Variants in ANTXR1 observed in about 807,000 individuals in gnomAD.
The protein encoded by ANTXR1 is ANTXR cell adhesion molecule 1.
In ANTXR1, 19 loss-of-function variants were observed where a neutral mutation model predicts 78.1. The observed-to-expected ratio is 0.24, with a 90% CI of 0.17 to 0.36. The LOEUF is 0.36. ANTXR1 is among the 10% of genes least tolerant of loss of function. The pLI is 1.00. For synonymous variants in ANTXR1, 273 were observed against 260.5 expected (o/e 1.05, Z -0.46); for missense variants, 518 against 718.6 (o/e 0.72, Z 3.19).
chr2:69,121,169 T>C (rs140505131), intron 10 of ANTXR1, among the ~76,000 whole-genome samples: 214 of 152,344 alleles, frequency 1.4e-3, no homozygotes, highest in African/African-American at 4.8e-3. Flanking sequence ...ACATAACAAT[T>C]TGTGTAATTA....
chr2:69,070,787 G>C (rs1445733130), intron 4 of ANTXR1, 59 bp downstream of exon 4: 12 of 1,508,346 alleles, frequency 8.0e-6, no homozygotes, highest in Admixed American at 1.7e-5. Context: ...TATCAACATG[G>C]GGTGACTGAT....
At chr2:69,160,761 A>C (rs761847833) in intron 13 of ANTXR1, among the ~76,000 whole-genome samples, 27 of 152,206 alleles carry the variant, frequency 1.8e-4, no homozygotes, top group Non-Finnish European at 2.8e-4. Context: ...GATAATTTGC[A>C]TGTGACTCTT....
chr2:69,164,243 C>A (rs1288822492), intron 13 of ANTXR1, among the ~76,000 whole-genome samples: 1 of 152,216 alleles, frequency 6.6e-6, no homozygotes. Flanking sequence ...CAACCCGTGA[C>A]TCTGATTAGA....
In ANTXR1 at chr2:69,013,297, CGAAACCCA is replaced by C; in HGVS notation, c.-197_-190del. The stretch of plus-strand genomic sequence containing the variant: ...GGACAGGATTGGGATCCTTGAAACC[CGAAACCCA>C]GAAACAGCATCGGAGCGGAAACCAG... On this transcript the variant is annotated 5_prime_UTR_variant, in exon 1 of 18. Coordinates refer to ENST00000303714, the MANE Select transcript of ANTXR1 (RefSeq NM_032208.3). This position sits in a 1 kb window ranked among gnomAD's most constrained non-coding sequence, Gnocchi z 5.0. 1.4e-6 allele frequency: 1 copy of C among 729,654 alleles called. No individual in the cohort carries two copies. The highest frequency in any genetic ancestry group is 2.3e-6 in the Non-Finnish European group (1 of 443,282). 45.2% of individuals were successfully genotyped at this position (729,654 alleles called of 1,614,324 possible).
At chr2:69,084,917 A>C (rs1027895913) in intron 8 of ANTXR1, among the ~76,000 whole-genome samples, 1 of 136,124 alleles carries the variant, frequency 7.3e-6, no homozygotes, top group African/African-American at 2.8e-5. Flanking sequence ...CAGTGGCGCT[A>C]TCTCGGCTCA....
At chr2:69,029,049 C>G (rs951132716) in intron 1 of ANTXR1, among the ~76,000 whole-genome samples, 62 of 147,896 alleles carry the variant, frequency 4.2e-4, no homozygotes, top group Non-Finnish European at 7.9e-4. Context: ...AGACCCCCCC[C>G]CCTCCATCTC....
At position 69,044,974 on chromosome 2, in the gene ANTXR1, G is replaced by A. The variant is rs79295626; in HGVS notation, c.296+161G>A. ...CCTTACGTATGGGCACATGGGTCCTGCTGCTAGTTCACTCTTCAGTTACTT... is the reference window on the plus strand; with the variant it reads ...CCTTACGTATGGGCACATGGGTCCTACTGCTAGTTCACTCTTCAGTTACTT... On this transcript the variant is annotated intron_variant, in intron 3 of 17. Coordinates refer to ENST00000303714, the MANE Select transcript of ANTXR1 (RefSeq NM_032208.3). Among the ~76,000 whole-genome samples, 8,780 of 152,184 alleles carry A rather than the reference G, an allele frequency of 0.058. 284 individuals are homozygous for A. The highest frequency in any genetic ancestry group is 0.11 in the Admixed American group (1,670 of 15,276).
intron 9 of ANTXR1, among the ~76,000 whole-genome samples, chr2:69,101,750 CA>C (rs1193805694): frequency 6.6e-6 from 1 of 152,186 alleles, no homozygotes; most frequent in Non-Finnish European, 1.5e-5. Context: ...ACAAACATTG[CA>C]TTTTTTCCTC....
chr2:69,033,863 C>T (rs1161224103), intron 1 of ANTXR1, among the ~76,000 whole-genome samples: 1 of 152,152 alleles, frequency 6.6e-6, no homozygotes, highest in Non-Finnish European at 1.5e-5. Flanking sequence ...TTTTGGCCAA[C>T]TTGATTCTTT....
chr2:69,017,610 A>T lies in ANTXR1; in HGVS notation c.152+3959A>T, dbSNP rs989957372. 3.3e-5 allele frequency among the ~76,000 whole-genome samples: 5 copies of T among 152,216 alleles called. No homozygotes were observed. The South Asian group carries it at 1.0e-3, about 32-fold the overall frequency. On this transcript the variant is annotated intron_variant, in intron 1 of 17. Coordinates refer to ENST00000303714, the MANE Select transcript of ANTXR1 (RefSeq NM_032208.3). ...ATGATAACCTAGAAAATACCACAGT[A>T]ACACAATAGGGCATTATTAGTGGCT...
intron 10 of ANTXR1, among the ~76,000 whole-genome samples, chr2:69,108,240 A>T (rs561513300): frequency 5.3e-5 from 8 of 152,362 alleles, no homozygotes; most frequent in African/African-American, 1.7e-4. Context: ...CTGATAATAG[A>T]TATAAATACA....
At chr2:69,110,744 C>T (rs1158802771) in intron 10 of ANTXR1, among the ~76,000 whole-genome samples, 6 of 152,018 alleles carry the variant, frequency 3.9e-5, no homozygotes, top group Non-Finnish European at 8.8e-5. Context: ...CACCTGTAGT[C>T]CCAGCTACTC....
chr2:69,158,453 G>A (rs554953761), intron 13 of ANTXR1, among the ~76,000 whole-genome samples: 4 of 152,240 alleles, frequency 2.6e-5, no homozygotes, highest in South Asian at 2.1e-4. Flanking sequence ...TTTCCATGGC[G>A]TTTTTCTCAC....
At chr2:69,224,908 C>G (rs974278752) in intron 17 of ANTXR1, among the ~76,000 whole-genome samples, 2 of 152,168 alleles carry the variant, frequency 1.3e-5, no homozygotes, top group African/African-American at 4.8e-5. Flanking sequence ...CTCTTGGGCT[C>G]ATTGCACAGT....
At chr2:69,129,492 G>A (rs985636635) in intron 12 of ANTXR1, among the ~76,000 whole-genome samples, 8 of 152,224 alleles carry the variant, frequency 5.3e-5, no homozygotes, top group East Asian at 1.9e-4. Flanking sequence ...GGTGTCTCAC[G>A]CCTGTAATCC....
intron 1 of ANTXR1, among the ~76,000 whole-genome samples, chr2:69,016,218 G>T (rs1332154956): frequency 1.3e-5 from 2 of 152,198 alleles, no homozygotes; most frequent in African/African-American, 2.4e-5. Context: ...TGTAGTTAGT[G>T]CGATTGAGGA....
chr2:69,132,191 C>T (rs1672770525), intron 12 of ANTXR1, among the ~76,000 whole-genome samples: 1 of 152,234 alleles, frequency 6.6e-6, no homozygotes, highest in South Asian at 2.1e-4. Context: ...TACAGCAGTT[C>T]AGCTAATCTG....
At chr2:69,144,440 C>T (rs2104419613) in intron 12 of ANTXR1, among the ~76,000 whole-genome samples, 1 of 152,320 alleles carries the variant, frequency 6.6e-6, no homozygotes, top group East Asian at 1.9e-4. Context: ...GTCTCTTTCC[C>T]TTGAAGGCAC....
chr2:69,208,082 G>A (rs1488694176), intron 17 of ANTXR1, among the ~76,000 whole-genome samples: 1 of 152,218 alleles, frequency 6.6e-6, no homozygotes, highest in Admixed American at 6.5e-5. Flanking sequence ...AGAGGAAATT[G>A]TGTCAAAAAG....
Sources: allele counts gnomAD v4.1 joint callset (sites outside exome capture counted in the v4.1 genomes callset), GRCh38; gene constraint gnomAD v4.1.1; non-coding constraint Gnocchi (gnomAD v3.1); transcripts MANE v1.5; gene names NCBI Gene and HGNC (gene_info 2026-07-23, HGNC 2026-07-21).